Variants in PTPRM observed in about 807,000 individuals in gnomAD.
The protein encoded by PTPRM is receptor-type tyrosine-protein phosphatase mu.
Under a neutral mutation model 186.7 loss-of-function variants are expected in PTPRM, and 47 were observed. The ratio of observed to expected loss-of-function variants is 0.25; its 90% CI spans 0.20 to 0.32. The LOEUF is 0.32. Ranked by LOEUF, PTPRM falls within the 10% of genes least tolerant of loss-of-function variation. The pLI is 1.00. For synonymous variants in PTPRM, 668 were observed against 674.9 expected (o/e 0.99, Z 0.16); for missense variants, 1,494 against 1,865.0 (o/e 0.80, Z 3.66).
intron 2 of PTPRM, among the ~76,000 whole-genome samples, chr18:7,837,248 C>G (rs2046095668): frequency 6.6e-6 from 1 of 152,060 alleles, no homozygotes; most frequent in Non-Finnish European, 1.5e-5. Context: ...AATAGCTGGT[C>G]TTCAAACTCA....
chr18:8,054,211 T>C (rs2087723801), intron 7 of PTPRM, among the ~76,000 whole-genome samples: 1 of 150,462 alleles, frequency 6.6e-6, no homozygotes, highest in African/African-American at 2.4e-5. Context: ...TTACCTTTAA[T>C]TCTCTGGGCA....
chr18:7,595,403 C>G (rs1158634436), intron 1 of PTPRM, among the ~76,000 whole-genome samples: 1 of 152,068 alleles, frequency 6.6e-6, no homozygotes, highest in Admixed American at 6.6e-5. Flanking sequence ...GGCAGATTGA[C>G]CTGAGGATGG....
chr18:7,799,829 A>T (rs2145333628), intron 2 of PTPRM, among the ~76,000 whole-genome samples: 1 of 152,250 alleles, frequency 6.6e-6, no homozygotes, highest in East Asian at 1.9e-4. Flanking sequence ...TTATTCTGTA[A>T]TTTTTATATG....
intron 1 of PTPRM, among the ~76,000 whole-genome samples, chr18:7,733,445 A>G (rs1598456802): frequency 6.6e-6 from 1 of 152,094 alleles, no homozygotes; most frequent in African/African-American, 2.4e-5. Context: ...ATAGTATTCC[A>G]TGGTGTATAT....
intron 1 of PTPRM, among the ~76,000 whole-genome samples, chr18:7,639,942 A>T (rs1214706927): frequency 6.6e-6 from 1 of 152,198 alleles, no homozygotes; most frequent in African/African-American, 2.4e-5. Context: ...TAGCCTTGTT[A>T]TCATGTTTTA....
At chr18:8,108,688 C>A (rs1455172915) in intron 11 of PTPRM, among the ~76,000 whole-genome samples, 2 of 152,194 alleles carry the variant, frequency 1.3e-5, no homozygotes, top group African/African-American at 4.8e-5. Flanking sequence ...ATTTTTCATT[C>A]TCCTTGTAAA....
intron 31 of PTPRM, among the ~76,000 whole-genome samples, chr18:8,387,765 T>TGC (rs542579104): frequency 0.071 from 5,778 of 81,648 alleles, 359 homozygotes; most frequent in African/African-American, 0.2. Flanking sequence ...TGCGTGTGTG[T>TGC]GCGCGCGCGT....
At chr18:7,675,523 C>T (rs138297855) in intron 1 of PTPRM, among the ~76,000 whole-genome samples, 1 of 152,196 alleles carries the variant, frequency 6.6e-6, no homozygotes, top group Non-Finnish European at 1.5e-5. Context: ...TCTAAAACAT[C>T]ACCGGGAGTT....
chr18:8,292,196 T>TTGTTTA (rs1280861762), intron 19 of PTPRM, among the ~76,000 whole-genome samples: 2 of 152,230 alleles, frequency 1.3e-5, no homozygotes, highest in East Asian at 3.8e-4. Flanking sequence ...CAATTGGTTT[T>TTGTTTA]TGTCTCACTT....
At chr18:8,053,216 T>G (rs1367741783) in intron 7 of PTPRM, among the ~76,000 whole-genome samples, 1 of 152,212 alleles carries the variant, frequency 6.6e-6, no homozygotes, top group African/African-American at 2.4e-5. Context: ...GTTTTCACTT[T>G]CCTTATGATA....
At chr18:8,386,066 C>T (rs1181573176) in intron 30 of PTPRM, among the ~76,000 whole-genome samples, 4 of 151,880 alleles carry the variant, frequency 2.6e-5, no homozygotes, top group African/African-American at 9.7e-5. Context: ...CCAGGCTGCC[C>T]GTGTAACCGG....
chr18:7,775,527 G>A (rs903398115), intron 2 of PTPRM, among the ~76,000 whole-genome samples: 1 of 152,000 alleles, frequency 6.6e-6, no homozygotes, highest in African/African-American at 2.4e-5. Flanking sequence ...GTCTTCCCCT[G>A]ATGGCCTTTT....
intron 4 of PTPRM, among the ~76,000 whole-genome samples, chr18:7,917,339 C>T (rs946170563): frequency 3.3e-5 from 5 of 152,158 alleles, no homozygotes; most frequent in African/African-American, 1.2e-4. Context: ...CGTGACCATC[C>T]TGGCTAACAT....
At chr18:7,969,205 C>T (rs200823948) in intron 7 of PTPRM, among the ~76,000 whole-genome samples, 31,767 of 111,542 alleles carry the variant, frequency 0.28, 5,036 homozygotes, top group Non-Finnish European at 0.37. Flanking sequence ...TCCTGAATGA[C>T]TACTGGGTAC....
At chr18:7,677,218 ACGAAGTCCTAC>A (rs2039365236) in intron 1 of PTPRM, among the ~76,000 whole-genome samples, 2 of 152,212 alleles carry the variant, frequency 1.3e-5, no homozygotes, top group Non-Finnish European at 2.9e-5. Flanking sequence ...CTTACAGTTT[ACGAAGTCCTAC>A]CAGATTCTTC....
chr18:8,282,272 G>T (rs564508323), intron 19 of PTPRM, among the ~76,000 whole-genome samples: 1 of 152,170 alleles, frequency 6.6e-6, no homozygotes, highest in African/African-American at 2.4e-5. Flanking sequence ...AATACCAAAT[G>T]TTGGTGAGAA....
intron 14 of PTPRM, among the ~76,000 whole-genome samples, chr18:8,200,435 C>G (rs1362806852): frequency 6.6e-6 from 1 of 152,230 alleles, no homozygotes; most frequent in Non-Finnish European, 1.5e-5. Flanking sequence ...GTTGTTTTTA[C>G]GCATTTGACT....
chr18:7,736,788 T>C (rs1004492977), intron 1 of PTPRM, among the ~76,000 whole-genome samples: 3 of 152,198 alleles, frequency 2.0e-5, no homozygotes, highest in African/African-American at 7.2e-5. Flanking sequence ...GATTTTTAAC[T>C]ACTGGGTTTA....
Position 8,376,605 on chromosome 18 carries a change from C to G in PTPRM, c.3462+8C>G. 1.2e-6 allele frequency: 2 copies of G among 1,608,644 alleles called. No individual in the cohort carries two copies. Among genetic ancestry groups the G allele is most frequent in the Non-Finnish European group, 8.5e-7 (1 of 1,177,480 alleles). On this transcript the variant is annotated splice_region_variant and intron_variant, in intron 26 of 32. Transcript: ENST00000580170. ...AACATGGTGCAAACAGAGGTACTCC[C>G]GCTCATCACCTAGCCTGGGGCCTTG... is the stretch of plus-strand genomic sequence containing the variant.
Sources: gnomAD v4.1 joint callset for allele counts (sites outside exome capture counted in the v4.1 genomes callset) on GRCh38, gnomAD v4.1.1 for gene constraint, MANE v1.5 for transcripts, NCBI Gene and HGNC (gene_info 2026-07-23, HGNC 2026-07-21) for gene names.